Variants in CNTLN observed in about 807,000 individuals in gnomAD.
CNTLN encodes the protein centlein, centrosomal protein.
A neutral mutation model predicts 180.0 loss-of-function variants in CNTLN; 212 were observed. That is an observed-to-expected ratio of 1.18 (90% CI 1.05 to 1.32). The LOEUF (loss-of-function observed/expected upper bound fraction) is 1.32, where lower values mean the gene tolerates loss of function less well. Ranked by LOEUF, CNTLN falls within the 40% of genes most tolerant of loss-of-function variation. The pLI is 0.00. For synonymous variants in CNTLN, 722 were observed against 563.1 expected (o/e 1.28, Z -3.99); for missense variants, 2,095 against 1,610.9 (o/e 1.30, Z -5.14).
intron 25 of CNTLN, among the ~76,000 whole-genome samples, chr9:17,500,485 A>G (rs1419405733): frequency 6.6e-6 from 1 of 152,208 alleles, no homozygotes; most frequent in African/African-American, 2.4e-5. Flanking sequence ...ACAGGAAATG[A>G]TACAACCAGC....
At chr9:17,439,699 T>G (rs1829994288) in intron 18 of CNTLN, among the ~76,000 whole-genome samples, 1 of 152,232 alleles carries the variant, frequency 6.6e-6, no homozygotes, top group Admixed American at 6.5e-5. Flanking sequence ...CCATAATTCA[T>G]AACCCCCAAT....
chr9:17,295,078 G>T (rs949950897), intron 6 of CNTLN, among the ~76,000 whole-genome samples: 1 of 151,936 alleles, frequency 6.6e-6, no homozygotes, highest in African/African-American at 2.4e-5. Flanking sequence ...TGGCCTGGGT[G>T]CTAAGCCCCT....
At chr9:17,333,414 G>C (rs929068499) in intron 10 of CNTLN, among the ~76,000 whole-genome samples, 8 of 151,842 alleles carry the variant, frequency 5.3e-5, no homozygotes, top group African/African-American at 1.9e-4. Flanking sequence ...ACAATTACCT[G>C]AAGCTGTGCC....
At position 17,202,507 on chromosome 9, in the gene CNTLN, T is replaced by C. The variant is rs535782620; in HGVS notation, c.450-23696T>C. 7.2e-5 allele frequency among the ~76,000 whole-genome samples: 11 copies of C among 152,300 alleles called. No homozygotes were observed. In the East Asian group the frequency reaches 2.1e-3, roughly 29 times the overall value. ...CTTGTTTTATGAATCTGGGTGTTCC[T>C]GTATTGGGAGCATATATATTTAAGA... On this transcript the variant is annotated intron_variant, in intron 2 of 25. Transcript: ENST00000380647.
At chr9:17,463,747 A>G (rs558830029) in intron 20 of CNTLN, among the ~76,000 whole-genome samples, 47 of 151,718 alleles carry the variant, frequency 3.1e-4, no homozygotes, top group African/African-American at 1.0e-3. Context: ...TTATTGTTTA[A>G]CAGGGCTCTA....
At chr9:17,294,793 GGGGAGGGTGGGGGGGAGTGGGCGA>G in intron 6 of CNTLN, among the ~76,000 whole-genome samples, 1 of 27,264 alleles carries the variant, frequency 3.7e-5, no homozygotes, top group Non-Finnish European at 7.1e-5. Flanking sequence ...GGAGGGAGGG[GGGGAGGGTGGGGGGGAGTGGGCGA>G]AGGGGGGAGG....
intron 24 of CNTLN, among the ~76,000 whole-genome samples, chr9:17,486,782 T>G (rs1832911054): frequency 6.6e-6 from 1 of 152,148 alleles, no homozygotes; most frequent in African/African-American, 2.4e-5. Flanking sequence ...CTGTGAAGTA[T>G]ATAAATATAG....
rs908701407 is a variant in CNTLN at position 17,319,791 on chromosome 9, AT to A, written c.1341+10549del. Among the ~76,000 whole-genome samples the A allele has an allele frequency of 3.9e-3, 594 of 150,724 alleles. 3 individuals are homozygous for A. Among genetic ancestry groups the A allele is most frequent in the African/African-American group, 0.014 (562 of 41,122 alleles). Reference sequence around the variant, plus strand: ...GGAAGAGACTTGTTAGTAAATTGAGATTTTTTTTTTCTTATATTGGTGGGGA... The same window carrying A: ...GGAAGAGACTTGTTAGTAAATTGAGATTTTTTTTTCTTATATTGGTGGGGA... On this transcript the variant is annotated intron_variant, in intron 8 of 25. Coordinates refer to ENST00000380647, the MANE Select transcript of CNTLN (RefSeq NM_017738.4).
chr9:17,259,862 CTCTT>C (rs1387699506), intron 5 of CNTLN, among the ~76,000 whole-genome samples: 1 of 137,402 alleles, frequency 7.3e-6, no homozygotes, highest in African/African-American at 3.0e-5. Context: ...TGATTCTTCT[CTCTT>C]TTTTTCTTTA....
At chr9:17,263,311 C>T (rs1251241079) in intron 5 of CNTLN, among the ~76,000 whole-genome samples, 2 of 148,326 alleles carry the variant, frequency 1.3e-5, no homozygotes, top group Non-Finnish European at 3.0e-5. Context: ...TTTGTCCTTG[C>T]GATAGTTTGC....
intron 2 of CNTLN, among the ~76,000 whole-genome samples, chr9:17,179,261 A>AAAAAAAAAAAAAAAAG (rs762439606): frequency 5.0e-5 from 7 of 138,672 alleles, no homozygotes; most frequent in African/African-American, 2.1e-4. Flanking sequence ...AAAAAAAAAA[A>AAAAAAAAAAAAAAAAG]AAGAAGAAGT....
intron 13 of CNTLN, among the ~76,000 whole-genome samples, chr9:17,368,996 T>G (rs181187795): frequency 6.6e-6 from 1 of 152,270 alleles, no homozygotes; most frequent in East Asian, 1.9e-4. Flanking sequence ...CAAACATCCA[T>G]AAGGATCAAG....
chr9:17,452,410 T>C (rs765279019), intron 18 of CNTLN, among the ~76,000 whole-genome samples: 1 of 152,216 alleles, frequency 6.6e-6, no homozygotes, highest in Non-Finnish European at 1.5e-5. Flanking sequence ...GCTAGGACAT[T>C]CAATGCTGTA....
intron 18 of CNTLN, among the ~76,000 whole-genome samples, chr9:17,453,914 G>C (rs373935910): frequency 8.5e-5 from 13 of 152,270 alleles, no homozygotes; most frequent in African/African-American, 3.1e-4. Context: ...ATTAGGTCAG[G>C]ACCAGAGAAG....
At chr9:17,426,301 C>T (rs2133953780) in intron 18 of CNTLN, among the ~76,000 whole-genome samples, 1 of 152,232 alleles carries the variant, frequency 6.6e-6, no homozygotes, top group African/African-American at 2.4e-5. Flanking sequence ...GCCCAGAGTG[C>T]AAAGGCTAAG....
intron 16 of CNTLN, among the ~76,000 whole-genome samples, chr9:17,413,585 G>T (rs973623130): frequency 6.6e-6 from 1 of 152,064 alleles, no homozygotes; most frequent in Non-Finnish European, 1.5e-5. Context: ...AAACAATCCA[G>T]TTACAAAATA....
chr9:17,333,063 T>A (rs1273952860), intron 10 of CNTLN, among the ~76,000 whole-genome samples: 1 of 152,140 alleles, frequency 6.6e-6, no homozygotes, highest in African/African-American at 2.4e-5. Context: ...CTTCTTTATA[T>A]ATGATAAACA....
intron 5 of CNTLN, among the ~76,000 whole-genome samples, chr9:17,262,989 A>G (rs1027447009): frequency 2.0e-5 from 3 of 151,246 alleles, no homozygotes; most frequent in Admixed American, 1.3e-4. Flanking sequence ...TTTTAATTCT[A>G]TTTTATAATT....
At chr9:17,425,123 G>T (rs1828991621) in intron 18 of CNTLN, among the ~76,000 whole-genome samples, 1 of 152,140 alleles carries the variant, frequency 6.6e-6, no homozygotes, top group Non-Finnish European at 1.5e-5. Context: ...TTATTTTATT[G>T]ATTATCTCTC....
Sources: allele counts gnomAD v4.1 joint callset (sites outside exome capture counted in the v4.1 genomes callset), GRCh38; gene constraint gnomAD v4.1.1; transcripts MANE v1.5; gene names NCBI Gene and HGNC (gene_info 2026-07-23, HGNC 2026-07-21).